Variants in ZRANB3 observed in about 807,000 individuals in gnomAD.
ZRANB3 encodes the protein DNA annealing helicase and endonuclease ZRANB3.
Under a neutral mutation model 133.8 loss-of-function variants are expected in ZRANB3, and 125 were observed. That is an observed-to-expected ratio of 0.93 (90% CI 0.81 to 1.08). ZRANB3 has a LOEUF of 1.08. ZRANB3 is among the 50% of genes least tolerant of loss of function. ZRANB3 has a pLI of 0.00. For synonymous variants in ZRANB3, 387 were observed against 432.7 expected (o/e 0.89, Z 1.31); for missense variants, 1,229 against 1,275.5 (o/e 0.96, Z 0.56).
At chr2:135,526,215 G>A (rs564787640) in intron 1 of ZRANB3, among the ~76,000 whole-genome samples, 1 of 144,762 alleles carries the variant, frequency 6.9e-6, no homozygotes, top group South Asian at 2.2e-4. Flanking sequence ...CCAGGCTGGA[G>A]TACAATGGCA....
intron 11 of ZRANB3, among the ~76,000 whole-genome samples, chr2:135,267,569 T>C (rs1228759320): frequency 6.6e-6 from 1 of 152,138 alleles, no homozygotes; most frequent in Non-Finnish European, 1.5e-5. Flanking sequence ...GGAATGAACA[T>C]TCAAACCATA....
intron 2 of ZRANB3, among the ~76,000 whole-genome samples, chr2:135,414,118 G>A (rs1688442217): frequency 6.6e-6 from 1 of 152,018 alleles, no homozygotes; most frequent in Middle Eastern, 3.2e-3. Flanking sequence ...AACCTTACAT[G>A]TAAATGGACT....
At chr2:135,225,124 C>T (rs1237808944) in intron 14 of ZRANB3, among the ~76,000 whole-genome samples, 1 of 152,170 alleles carries the variant, frequency 6.6e-6, no homozygotes, top group Non-Finnish European at 1.5e-5. Context: ...TTAGTGAGCA[C>T]ATACAATGTG....
chr2:135,321,262 T>C (rs1683511873), intron 6 of ZRANB3, among the ~76,000 whole-genome samples: 1 of 152,190 alleles, frequency 6.6e-6, no homozygotes, highest in Non-Finnish European at 1.5e-5. Flanking sequence ...AGCAATGTAA[T>C]TCCCAGCAGA....
intron 2 of ZRANB3, among the ~76,000 whole-genome samples, chr2:135,408,775 T>C (rs936853294): frequency 1.4e-5 from 2 of 146,274 alleles, no homozygotes; most frequent in Admixed American, 1.4e-4. Flanking sequence ...AACTGAACAA[T>C]GAGAACACAT....
At chr2:135,414,944 C>G (rs1267202643) in intron 2 of ZRANB3, among the ~76,000 whole-genome samples, 2 of 152,042 alleles carry the variant, frequency 1.3e-5, no homozygotes, top group Non-Finnish European at 2.9e-5. Flanking sequence ...CTCTGGGACA[C>G]ATTCAAAGCA....
intron 1 of ZRANB3, among the ~76,000 whole-genome samples, chr2:135,524,147 C>T (rs1694056530): frequency 6.6e-6 from 1 of 151,738 alleles, no homozygotes; most frequent in Admixed American, 6.6e-5. Flanking sequence ...AGTGCAATGG[C>T]ACAATCTCGG....
intron 6 of ZRANB3, among the ~76,000 whole-genome samples, chr2:135,333,296 A>G (rs768367981): frequency 2.6e-5 from 4 of 152,204 alleles, no homozygotes; most frequent in Non-Finnish European, 5.9e-5. Flanking sequence ...AAAGTACAGT[A>G]TATTTCCAAT....
At chr2:135,421,890 CTT>C (rs79373075) in intron 2 of ZRANB3, among the ~76,000 whole-genome samples, 51 of 127,400 alleles carry the variant, frequency 4.0e-4, no homozygotes, top group Non-Finnish European at 6.9e-4. Flanking sequence ...TTTTTTTTTC[CTT>C]TTTTTTTTTT....
chr2:135,459,091 TA>T (rs1559013161), intron 2 of ZRANB3, among the ~76,000 whole-genome samples: 1 of 152,092 alleles, frequency 6.6e-6, no homozygotes, highest in Non-Finnish European at 1.5e-5. Flanking sequence ...GGGTAACTGA[TA>T]AAAACTAAAT....
At chr2:135,484,114 G>A (rs919174456) in intron 2 of ZRANB3, among the ~76,000 whole-genome samples, 6 of 152,178 alleles carry the variant, frequency 3.9e-5, no homozygotes, top group African/African-American at 7.2e-5. Flanking sequence ...GAGCTCTGTA[G>A]ATGTCTATTA....
Position 135,402,913 on chromosome 2 carries a change from T to C in ZRANB3, c.162-12093A>G, listed in dbSNP as rs535684341. Among the ~76,000 whole-genome samples, 4 of 152,124 alleles carry C rather than the reference T, an allele frequency of 2.6e-5. No individual in the cohort carries two copies. In the East Asian group the frequency reaches 5.8e-4, roughly 22 times the overall value. The stretch of plus-strand genomic sequence containing the variant: ...TCCATTCTTTTTCAATGTAACCTTA[T>C]TGCATAATACACATGTATTAGGCCA... On this transcript the variant is annotated intron_variant, in intron 2 of 20. Transcript: ENST00000264159.
intron 1 of ZRANB3, among the ~76,000 whole-genome samples, chr2:135,507,603 T>C (rs543232982): frequency 2.0e-5 from 3 of 152,010 alleles, no homozygotes; most frequent in Admixed American, 2.0e-4. Flanking sequence ...TGGCAAGAAG[T>C]TAAGTAAAAA....
chr2:135,380,440 G>A (rs986035782), intron 3 of ZRANB3, among the ~76,000 whole-genome samples: 3 of 152,082 alleles, frequency 2.0e-5, no homozygotes, highest in African/African-American at 7.2e-5. Flanking sequence ...AAATGTAAAA[G>A]AACAGAAATC....
At chr2:135,362,457 C>G (rs1467528065) in intron 3 of ZRANB3, among the ~76,000 whole-genome samples, 1 of 151,976 alleles carries the variant, frequency 6.6e-6, no homozygotes, top group Non-Finnish European at 1.5e-5. Flanking sequence ...GGAGATGGGC[C>G]TTAGAGAGCA....
Position 135,418,958 on chromosome 2 carries a change from G to A in ZRANB3, c.162-28138C>T, listed in dbSNP as rs552412969. Among the ~76,000 whole-genome samples the A allele has an allele frequency of 8.1e-3, 545 of 67,394 alleles. 3 individuals are homozygous for A. The highest frequency in any genetic ancestry group is 0.029 in the Admixed American group (117 of 3,996). The allele number at this position is 67,394 out of a possible 152,430, so 44.2% of individuals were successfully genotyped here. On this transcript the variant is annotated intron_variant, in intron 2 of 20. Coordinates refer to ENST00000264159, the MANE Select transcript of ZRANB3 (RefSeq NM_032143.4). ...TTTTTTTTTTTTTTTTTTTTTTTGA[G>A]ACGGAGTCTCGTTCTGTCACCCAGG...
intron 20 of ZRANB3, among the ~76,000 whole-genome samples, chr2:135,202,251 T>C (rs1693657380): frequency 1.3e-5 from 2 of 152,232 alleles, no homozygotes; most frequent in African/African-American, 4.8e-5. Flanking sequence ...TGAATATTTC[T>C]ATGATGATCT....
At chr2:135,474,521 A>G (rs1021286111) in intron 2 of ZRANB3, among the ~76,000 whole-genome samples, 1 of 152,112 alleles carries the variant, frequency 6.6e-6, no homozygotes. Context: ...ATCATTCAAA[A>G]GAAGCTGGCG....
intron 12 of ZRANB3, among the ~76,000 whole-genome samples, chr2:135,238,202 AAC>A (rs1419347160): frequency 6.6e-6 from 1 of 152,154 alleles, no homozygotes; most frequent in Admixed American, 6.5e-5. Flanking sequence ...CTATGTTAGA[AAC>A]ACAGTGTGGC....
Sources: gnomAD v4.1 joint callset for allele counts (sites outside exome capture counted in the v4.1 genomes callset) on GRCh38, gnomAD v4.1.1 for gene constraint, MANE v1.5 for transcripts, NCBI Gene and HGNC (gene_info 2026-07-23, HGNC 2026-07-21) for gene names.